The following CDKN1A variants were observed in gnomAD, a reference collection of about 807,000 sequenced individuals.
CDKN1A encodes the protein cyclin dependent kinase inhibitor 1A.
In CDKN1A, 14 loss-of-function variants were observed where a neutral mutation model predicts 14.8. The ratio of observed to expected loss-of-function variants is 0.94; its 90% CI spans 0.62 to 1.48. The LOEUF is 1.48. CDKN1A is among the 40% of genes most tolerant of loss of function. The pLI, the probability that CDKN1A is intolerant of heterozygous loss-of-function variation, is 0.00. For missense variants in CDKN1A, 203 were observed against 231.7 expected, an observed-to-expected ratio of 0.88 and a Z score of 0.80; for synonymous variants, 92 against 93.5, an observed-to-expected ratio of 0.98 and a Z score of 0.09.
rs1339251380 is a variant in CDKN1A, at chr6:36,681,300, C to CTT, written c.-6+2504_-6+2505dup. ...TCTTTTTTTCTTTCTTTCTTTCTTTCTTTCTTTCTTTCTTTCTTTCTTTCT... is the reference window on the plus strand; with the variant it reads ...TCTTTTTTTCTTTCTTTCTTTCTTTCTTTTTCTTTCTTTCTTTCTTTCTTTCT... On this transcript the variant is annotated intron_variant, in intron 1 of 2. Coordinates refer to ENST00000244741, the MANE Select transcript of CDKN1A (RefSeq NM_000389.5). Among the ~76,000 whole-genome samples, 7 of 120,568 alleles carry CTT rather than the reference C, an allele frequency of 5.8e-5. No homozygotes were observed. The East Asian group carries it at 8.8e-4, about 15-fold the overall frequency. The allele number at this position is 120,568 out of a possible 152,430, so 79.1% of individuals were successfully genotyped here.
chr6:36,685,616 T>C (rs1246202773), intron 2 of CDKN1A, 135 bp from the exon 3 acceptor site: 1 of 841,182 alleles, frequency 1.2e-6, no homozygotes, highest in Non-Finnish European at 2.1e-6. Context: ...GTTCCCCGAG[T>C]TCTTCCTGTT....
chr6:36,679,503 G>A (rs1485078281), intron 1 of CDKN1A, among the ~76,000 whole-genome samples: 4 of 152,338 alleles, frequency 2.6e-5, no homozygotes, highest in African/African-American at 9.6e-5. Flanking sequence ...CCGGGATGGG[G>A]TACAGCGGGA....
intron 1 of CDKN1A, among the ~76,000 whole-genome samples, chr6:36,681,826 C>G (rs568400329): frequency 3.3e-5 from 5 of 152,032 alleles, no homozygotes; most frequent in Admixed American, 6.5e-5. Flanking sequence ...AATCTCCTGA[C>G]CTCGTGCTCC....
In CDKN1A at chr6:36,684,643, C is replaced by T. The variant is rs547234339; in HGVS notation, c.445+97C>T. ...TGTCTGGTCCTGGTCCAGCATGCTC[C>T]AGGTAGAAGGAAACAGGCCCAGAGA... On this transcript the variant is annotated intron_variant, in intron 2 of 2. Coordinates refer to ENST00000244741, the MANE Select transcript of CDKN1A (RefSeq NM_000389.5). This position sits in a 1 kb window ranked among gnomAD's most constrained non-coding sequence, Gnocchi z 6.0. 94 of 1,253,128 alleles carry T rather than the reference C, an allele frequency of 7.5e-5. 1 individual carries two copies. The highest frequency in any genetic ancestry group is 3.5e-5 in the Non-Finnish European group (31 of 873,484). The allele number at this position is 1,253,128 out of a possible 1,614,324, so 77.6% of individuals were successfully genotyped here.
At chr6:36,681,282 TTCTTTC>T (rs1761944293) in intron 1 of CDKN1A, among the ~76,000 whole-genome samples, 1 of 100,884 alleles carries the variant, frequency 9.9e-6, no homozygotes, top group Non-Finnish European at 2.1e-5. Context: ...CTTTCTTTTT[TTCTTTC>T]TTTCTTTCTT....
intron 1 of CDKN1A, among the ~76,000 whole-genome samples, chr6:36,681,264 T>TTTTCTTTCTTTCCTTCTTTC (rs1761934422): frequency 1.2e-5 from 1 of 81,800 alleles, no homozygotes; most frequent in African/African-American, 4.6e-5. Context: ...CCCTAGGTGC[T>TTTTCTTTCTTTCCTTCTTTC]TTTCTTTCTT....
chr6:36,681,264 T>TTTTCTTTCCTTC lies in CDKN1A; in HGVS notation c.-6+2474_-6+2475insCTTCTTTCTTTC, dbSNP rs1562037839. ...TATTTTGAAAAAACTCCCTAGGTGC[T>TTTTCTTTCCTTC]TTTCTTTCTTTCTTTTTTTCTTTCT... On this transcript the variant is annotated intron_variant, in intron 1 of 2. Coordinates refer to ENST00000244741, the MANE Select transcript of CDKN1A (RefSeq NM_000389.5). Among the ~76,000 whole-genome samples, 625 of 81,756 alleles carry TTTTCTTTCCTTC rather than the reference T, an allele frequency of 7.6e-3. 9 individuals carry two copies. The highest frequency in any genetic ancestry group is 0.01 in the Non-Finnish European group (396 of 38,862). The allele number at this position is 81,756 out of a possible 152,430, so 53.6% of individuals were successfully genotyped here. A position where few individuals can be genotyped will look rare whatever the true frequency, so the allele number is the denominator to read the frequency against.
chr6:36,682,366 A>G (rs1209687931), intron 1 of CDKN1A, among the ~76,000 whole-genome samples: 1 of 152,252 alleles, frequency 6.6e-6, no homozygotes, highest in Non-Finnish European at 1.5e-5. Context: ...AGGTTATTTG[A>G]GGGCTCTGTC....
chr6:36,680,968 TAGAAG>T (rs1761919985), intron 1 of CDKN1A: 2 of 152,192 alleles, frequency 1.3e-5, no homozygotes, highest in Non-Finnish European at 2.9e-5. Flanking sequence ...GGAGGGGTGG[TAGAAG>T]AGGAGAGGGT....
At chr6:36,685,544 A>G (rs528378983) in intron 2 of CDKN1A, among the ~76,000 whole-genome samples, 1 of 152,342 alleles carries the variant, frequency 6.6e-6, no homozygotes, top group East Asian at 1.9e-4. Context: ...GGTGATGGAT[A>G]AAATCACATC....
In CDKN1A at chr6:36,685,942, C is replaced by T. The variant is rs564494785; in HGVS notation, c.*142C>T. 2.5e-5 allele frequency: 20 copies of T among 816,248 alleles called. No individual in the cohort carries two copies. Among genetic ancestry groups the T allele is most frequent in the African/African-American group, 5.1e-5 (3 of 58,886 alleles). 50.6% of individuals were successfully genotyped at this position (816,248 alleles called of 1,614,324 possible). On this transcript the variant is annotated 3_prime_UTR_variant, in exon 3 of 3. Transcript: ENST00000244741. ...CACCTCCTCATGTACATACCCTGGC[C>T]GCCCCCTGCCCCCCAGCCTCTGGCA...
intron 1 of CDKN1A, among the ~76,000 whole-genome samples, chr6:36,683,216 A>G (rs905092935): frequency 3.9e-5 from 6 of 152,246 alleles, no homozygotes; most frequent in African/African-American, 1.4e-4. Flanking sequence ...CCTCTGAGAC[A>G]GTCACTATTA....
intron 1 of CDKN1A, among the ~76,000 whole-genome samples, chr6:36,679,754 C>T (rs1330196071): frequency 6.6e-6 from 1 of 151,840 alleles, no homozygotes; most frequent in Non-Finnish European, 1.5e-5. Flanking sequence ...TTTCCCACCG[C>T]GGCCGGGAGA....
rs538520711 is a variant in CDKN1A, at chr6:36,678,783, G to C, written c.-21G>C. On this transcript the variant is annotated 5_prime_UTR_variant, in exon 1 of 3. Transcript: ENST00000244741. This position sits in a 1 kb window ranked among gnomAD's most constrained non-coding sequence, Gnocchi z 5.7. ...CTGGGCGCGGATTCGCCGAGGCACC[G>C]AGGCACTCAGAGGAGGTGAGAGAGC... 2 of 985,626 alleles carry C rather than the reference G, an allele frequency of 2.0e-6. No homozygotes were observed. The highest frequency in any genetic ancestry group is 2.4e-6 in the Non-Finnish European group (2 of 830,164). 61.1% of individuals were successfully genotyped at this position (985,626 alleles called of 1,614,324 possible). A position where few individuals can be genotyped will look rare whatever the true frequency, so the allele number is the denominator to read the frequency against.
At chr6:36,682,084 C>T (rs1418642449) in intron 1 of CDKN1A, among the ~76,000 whole-genome samples, 1 of 152,100 alleles carries the variant, frequency 6.6e-6, no homozygotes, top group East Asian at 1.9e-4. Flanking sequence ...GTTAAGAAAC[C>T]TCAAAATTAG....
At chr6:36,677,126 G>A (rs936189800), upstream of CDKN1A, among the ~76,000 whole-genome samples, 3 of 152,136 alleles carry the variant, frequency 2.0e-5, no homozygotes, top group Non-Finnish European at 4.4e-5. Flanking sequence ...GTATAGGAGC[G>A]AAGGTGCAGA....
At chr6:36,677,887 T>A (rs1048772499), upstream of CDKN1A, 9 of 1,364,818 alleles carry the variant, frequency 6.6e-6, no homozygotes, top group African/African-American at 1.3e-4. Flanking sequence ...ATCCTCCCCT[T>A]CCTGGCCAAC....
At chr6:36,681,584 G>GC in intron 1 of CDKN1A, among the ~76,000 whole-genome samples, 1 of 115,740 alleles carries the variant, frequency 8.6e-6, no homozygotes, top group Non-Finnish European at 1.9e-5. Context: ...CCCATGCCCA[G>GC]ATTTTTTTTT....
chr6:36,683,909 AGGCT>A (rs1762098420), intron 1 of CDKN1A, among the ~76,000 whole-genome samples, 184 bp from the exon 2 acceptor site: 1 of 152,216 alleles, frequency 6.6e-6, no homozygotes, highest in African/African-American at 2.4e-5. Context: ...TTGGTGTGCC[AGGCT>A]GGCTGAGCTC....
Sources: gnomAD v4.1 joint callset for allele counts (sites outside exome capture counted in the v4.1 genomes callset) on GRCh38, gnomAD v4.1.1 for gene constraint, Gnocchi (gnomAD v3.1) non-coding constraint, MANE v1.5 for transcripts, NCBI Gene and HGNC (gene_info 2026-07-23, HGNC 2026-07-21) for gene names.